Variants in DZIP1L observed in about 807,000 individuals in gnomAD.
DZIP1L encodes cilium assembly protein DZIP1L.
In DZIP1L, 90 loss-of-function variants were observed where a neutral mutation model predicts 88.7. That is an observed-to-expected ratio of 1.02 (90% CI 0.86 to 1.21). The LOEUF (loss-of-function observed/expected upper bound fraction) is 1.21, where lower values mean the gene tolerates loss of function less well. Ranked by LOEUF, DZIP1L falls within the 50% of genes most tolerant of loss-of-function variation. DZIP1L has a pLI of 0.00. For synonymous variants in DZIP1L, 363 were observed against 372.1 expected, an observed-to-expected ratio of 0.98 and a Z score of 0.28; for missense variants, 932 against 955.8, an observed-to-expected ratio of 0.98 and a Z score of 0.33.
At chr3:138,082,512 C>A (rs1377675307) in intron 8 of DZIP1L, among the ~76,000 whole-genome samples, 1 of 152,226 alleles carries the variant, frequency 6.6e-6, no homozygotes, top group East Asian at 1.9e-4. Flanking sequence ...GGAACAGAGA[C>A]ACACAGAAAA....
chr3:138,108,271 C>T (rs2042552128), intron 1 of DZIP1L: 2 of 983,862 alleles, frequency 2.0e-6, no homozygotes, highest in African/African-American at 3.5e-5. Context: ...CTCGGAGCAA[C>T]AGCAGGTTAC....
At chr3:138,082,936 C>T (rs1425748207) in intron 8 of DZIP1L, among the ~76,000 whole-genome samples, 10 of 152,094 alleles carry the variant, frequency 6.6e-5, no homozygotes, top group Non-Finnish European at 1.2e-4. Context: ...AAGCGGTAAA[C>T]AAAAGTCATC....
intron 12 of DZIP1L, among the ~76,000 whole-genome samples, chr3:138,069,483 T>C (rs1376570013): frequency 1.3e-5 from 2 of 152,250 alleles, no homozygotes; most frequent in African/African-American, 2.4e-5. Context: ...GGGCCAGCTA[T>C]GCACTGCTCT....
At chr3:138,098,394 C>G (rs1944574487) in intron 2 of DZIP1L, among the ~76,000 whole-genome samples, 1 of 152,164 alleles carries the variant, frequency 6.6e-6, no homozygotes. Context: ...TAGGTCCCAT[C>G]CCAGGGTGGA....
At chr3:138,098,372 T>C (rs544527349) in intron 2 of DZIP1L, among the ~76,000 whole-genome samples, 47 of 152,304 alleles carry the variant, frequency 3.1e-4, no homozygotes, top group African/African-American at 1.0e-3. Context: ...GTTTTTAAAA[T>C]ATGCCAATGT....
At chr3:138,065,756 T>C (rs1942864468) in intron 14 of DZIP1L, among the ~76,000 whole-genome samples, 1 of 152,248 alleles carries the variant, frequency 6.6e-6, no homozygotes, top group South Asian at 2.1e-4. Flanking sequence ...TTCTACTTAC[T>C]GACCTTGGAA....
At chr3:138,083,482 G>GGGCAGAGAATTGTC (rs1366330726) in intron 8 of DZIP1L, among the ~76,000 whole-genome samples, 2 of 152,174 alleles carry the variant, frequency 1.3e-5, no homozygotes, top group African/African-American at 4.8e-5. Context: ...AGCCTCGACT[G>GGGCAGAGAATTGTC]GGCAGAGAAT....
At chr3:138,073,214 CCA>C (rs1943258906) in intron 11 of DZIP1L, among the ~76,000 whole-genome samples, 1 of 152,120 alleles carries the variant, frequency 6.6e-6, no homozygotes, top group Non-Finnish European at 1.5e-5. Flanking sequence ...CCCTATAGGA[CCA>C]CAGTTTGAAA....
intron 8 of DZIP1L, among the ~76,000 whole-genome samples, chr3:138,082,372 G>A (rs548790962): frequency 3.8e-4 from 58 of 152,340 alleles, no homozygotes; most frequent in African/African-American, 1.2e-3. Flanking sequence ...AATGAATGAT[G>A]TCAAAGCTGC....
intron 12 of DZIP1L, 23 bp from the exon 13 acceptor site, chr3:138,068,390 T>A (rs1559823896): frequency 1.4e-6 from 2 of 1,471,912 alleles, no homozygotes; most frequent in African/African-American, 1.4e-5. Flanking sequence ...AAAGGAATGA[T>A]TTTTGGAGTA....
intron 11 of DZIP1L, among the ~76,000 whole-genome samples, chr3:138,074,129 C>T (rs1487475946): frequency 6.6e-6 from 1 of 152,142 alleles, no homozygotes; most frequent in Admixed American, 6.6e-5. Context: ...AGCTTGAAAA[C>T]ATCTTCGAGG....
intron 3 of DZIP1L, 73 bp downstream of exon 3, chr3:138,097,690 C>T: frequency 7.1e-7 from 1 of 1,403,868 alleles, no homozygotes; most frequent in South Asian, 1.3e-5. Context: ...TATAGGTGGT[C>T]ACCACCCACT....
At chr3:138,067,449 G>A in intron 14 of DZIP1L, 82 bp downstream of exon 14, 1 of 1,461,658 alleles carries the variant, frequency 6.8e-7, no homozygotes, top group Non-Finnish European at 9.1e-7. Context: ...GCTAAAGGGT[G>A]TTTCTGGAGC....
At chr3:138,087,892 A>G (rs1297366252) in intron 6 of DZIP1L, among the ~76,000 whole-genome samples, 1 of 152,240 alleles carries the variant, frequency 6.6e-6, no homozygotes, top group Non-Finnish European at 1.5e-5. Flanking sequence ...CAGACTGTGC[A>G]CAAGTCTTCC....
At chr3:138,102,678 C>T (rs2042358134) in intron 2 of DZIP1L, 1 of 1,098,586 alleles carries the variant, frequency 9.1e-7, no homozygotes, top group Non-Finnish European at 1.4e-6. Context: ...TGTTGGGGTC[C>T]ACCTCCAGGT....
chr3:138,079,028 C>T (rs1192159521), intron 10 of DZIP1L, among the ~76,000 whole-genome samples: 1 of 152,214 alleles, frequency 6.6e-6, no homozygotes, highest in Non-Finnish European at 1.5e-5. Flanking sequence ...GTCCTGCCCC[C>T]AGAGTTTCTG....
intron 4 of DZIP1L, among the ~76,000 whole-genome samples, chr3:138,094,308 A>G (rs1944368271): frequency 6.6e-6 from 1 of 152,254 alleles, no homozygotes; most frequent in African/African-American, 2.4e-5. Flanking sequence ...GGTTGACACA[A>G]ACCTTCAATG....
chr3:138,068,423 T>A, intron 12 of DZIP1L, 56 bp from the exon 13 acceptor site: 2 of 1,361,926 alleles, frequency 1.5e-6, no homozygotes, highest in Non-Finnish European at 2.0e-6. Context: ...ATCTCAAGCC[T>A]AAGAGGAGGG....
Position 138,064,723 on chromosome 3 carries a change from C to G in DZIP1L, c.2047G>C (p.Glu683Gln). 6.2e-7 allele frequency: 1 copy of G among 1,605,074 alleles called. No homozygotes were observed. Among genetic ancestry groups the G allele is most frequent in the Non-Finnish European group, 8.5e-7 (1 of 1,176,722 alleles). ...CCAGCAGGCTTCTTTGCTGGAGCTT[C>G]TAGCTGCTTCTCCAGGTTTTTGACC... is the stretch of plus-strand genomic sequence containing the variant. ...SMVKNLEKQL[E>Q]APAKKPAGGV... Residue 683 changes from glutamate to glutamine, a missense_variant, in exon 15 of 16, where the codon GAA (glutamate) becomes CAA (glutamine). Coordinates refer to ENST00000327532, the MANE Select transcript of DZIP1L (RefSeq NM_173543.3).
Sources: allele counts gnomAD v4.1 joint callset (sites outside exome capture counted in the v4.1 genomes callset), GRCh38; gene constraint gnomAD v4.1.1; transcripts MANE v1.5; gene names NCBI Gene and HGNC (gene_info 2026-07-23, HGNC 2026-07-21).